WWP2: variants seen among roughly 807,000 people sequenced by gnomAD.
The protein encoded by WWP2 is WW domain containing E3 ubiquitin protein ligase 2.
Under a neutral mutation model 121.0 loss-of-function variants are expected in WWP2, and 57 were observed. The observed-to-expected ratio is 0.47, with a 90% confidence interval of 0.38 to 0.59. The LOEUF is 0.59. WWP2 is among the 20% of genes least tolerant of loss of function. The pLI, the probability that WWP2 is intolerant of heterozygous loss-of-function variation, is 0.00. For missense variants in WWP2, 962 were observed against 1,158.9 expected (o/e 0.83, Z 2.47); for synonymous variants, 449 against 441.3 (o/e 1.02, Z -0.22).
At chr16:69,812,054 A>G (rs2056402173) in intron 4 of WWP2, among the ~76,000 whole-genome samples, 1 of 151,386 alleles carries the variant, frequency 6.6e-6, no homozygotes, top group Non-Finnish European at 1.5e-5. Context: ...CTCATGCAAG[A>G]TGCAGTGTTT....
At chr16:69,875,672 C>T (rs2057722757) in intron 7 of WWP2, among the ~76,000 whole-genome samples, 1 of 152,232 alleles carries the variant, frequency 6.6e-6, no homozygotes, top group Admixed American at 6.5e-5. Context: ...GCTTTCTTTG[C>T]TCATCCATAA....
At chr16:69,836,196 T>G (rs1443149979) in intron 4 of WWP2, among the ~76,000 whole-genome samples, 1 of 152,200 alleles carries the variant, frequency 6.6e-6, no homozygotes, top group Admixed American at 6.5e-5. Flanking sequence ...TCTCCATTTA[T>G]CCCAAGAGTA....
chr16:69,908,922 G>A (rs117098275), intron 9 of WWP2, 72 bp downstream of exon 9: 404 of 1,608,786 alleles, frequency 2.5e-4, no homozygotes, highest in Non-Finnish European at 3.1e-4. Context: ...TTCTTGAAAC[G>A]GTCCCTTTCT....
intron 2 of WWP2, 93 bp from the exon 3 acceptor site, chr16:69,798,589 A>G (rs922512018): frequency 7.2e-6 from 10 of 1,398,076 alleles, no homozygotes; most frequent in Non-Finnish European, 9.6e-6. Context: ...TATTTTTTAA[A>G]GCAATAACTA....
At chr16:69,870,848 A>G (rs1447136818) in intron 6 of WWP2, among the ~76,000 whole-genome samples, 2 of 152,180 alleles carry the variant, frequency 1.3e-5, no homozygotes, top group Non-Finnish European at 2.9e-5. Context: ...TGCAAAAAGA[A>G]CTTGAGAGCA....
chr16:69,840,354 C>T, intron 5 of WWP2, 91 bp downstream of exon 5: 1 of 1,560,554 alleles, frequency 6.4e-7, no homozygotes, highest in African/African-American at 1.3e-5. Flanking sequence ...TCTTACTAGG[C>T]CATCTTGGTT....
chr16:69,866,401 G>A (rs898827426), intron 6 of WWP2, among the ~76,000 whole-genome samples: 2 of 151,812 alleles, frequency 1.3e-5, no homozygotes, highest in Admixed American at 6.6e-5. Flanking sequence ...GGGATTACAG[G>A]CATGAGCCAC....
intron 13 of WWP2, 139 bp downstream of exon 13, chr16:69,930,397 T>C: frequency 1.5e-6 from 2 of 1,358,982 alleles, no homozygotes; most frequent in Admixed American, 2.7e-5. Context: ...CCAATGTTGA[T>C]GTCATATTAA....
chr16:69,900,839 T>C (rs72785065), intron 8 of WWP2, among the ~76,000 whole-genome samples: 7,876 of 152,182 alleles, frequency 0.052, 270 homozygotes, highest in Middle Eastern at 0.11. Flanking sequence ...TGCCAACCTC[T>C]ATTGAGGAGC....
chr16:69,813,349 A>G (rs2056431201), intron 4 of WWP2, among the ~76,000 whole-genome samples: 2 of 152,098 alleles, frequency 1.3e-5, no homozygotes, highest in African/African-American at 2.4e-5. Context: ...TTTAGTGGAG[A>G]TGGGGTTTCT....
At chr16:69,796,303 A>G (rs2056043642) in intron 2 of WWP2, among the ~76,000 whole-genome samples, 2 of 152,328 alleles carry the variant, frequency 1.3e-5, no homozygotes, top group South Asian at 4.1e-4. Context: ...TGAAAAACCC[A>G]TCATAAGTTG....
intron 7 of WWP2, among the ~76,000 whole-genome samples, chr16:69,883,716 C>G (rs1597105823): frequency 6.6e-6 from 1 of 152,070 alleles, no homozygotes; most frequent in East Asian, 1.9e-4. Flanking sequence ...TTCTGATGCT[C>G]TCCCTCCCCG....
At chr16:69,824,767 C>CTTTTTT (rs34154307) in intron 4 of WWP2, among the ~76,000 whole-genome samples, 4 of 82,792 alleles carry the variant, frequency 4.8e-5, no homozygotes, top group Non-Finnish European at 8.7e-5. Context: ...GCACCTGTGG[C>CTTTTTT]TTTTTTTTTT....
At chr16:69,929,297 G>C (rs2058679391) in intron 11 of WWP2, 151 bp from the exon 12 acceptor site, 1 of 658,028 alleles carries the variant, frequency 1.5e-6, no homozygotes, top group Middle Eastern at 2.5e-4. Context: ...TGACAAGTGT[G>C]AGTGAGCTTG....
chr16:69,901,579 AT>A (rs1395461785), intron 8 of WWP2, among the ~76,000 whole-genome samples: 7 of 151,924 alleles, frequency 4.6e-5, no homozygotes, highest in Admixed American at 4.6e-4. Context: ...CGCCCAGCTA[AT>A]TTTTTTGTAT....
rs10578834 is a variant in WWP2, at chr16:69,795,259, TACACAC to T, written c.71-3393_71-3388del. On this transcript the variant is annotated intron_variant, in intron 2 of 23. Transcript: ENST00000359154. ...TTTTACCTAGGAAAAAAAATGCGGATACACACACACACACACACACACACACACACA... is the reference window on the plus strand; with the variant it reads ...TTTTACCTAGGAAAAAAAATGCGGATACACACACACACACACACACACACA... Among the ~76,000 whole-genome samples, 184 of 93,088 alleles carry T rather than the reference TACACAC, an allele frequency of 2.0e-3. 1 individual carries two copies. Among genetic ancestry groups the T allele is most frequent in the African/African-American group, 4.6e-3 (175 of 37,788 alleles). The allele number at this position is 93,088 out of a possible 152,430, so 61.1% of individuals were successfully genotyped here.
rs745540670 is a variant in WWP2, at chr16:69,840,266, G to A, written c.478+3G>A. On this transcript the variant is annotated splice_donor_region_variant and intron_variant, in intron 5 of 23. Coordinates refer to ENST00000359154, the MANE Select transcript of WWP2 (RefSeq NM_001270454.2). ...TAATGGCAGTGCCCTGACAGATGGT[G>A]AGTGCCGCCCTGCTCCTCAGGACTG... is the stretch of plus-strand genomic sequence containing the variant. The A allele has an allele frequency of 4.3e-5, 69 of 1,613,714 alleles. No individual in the cohort carries two copies. The highest frequency in any genetic ancestry group is 5.6e-5 in the Non-Finnish European group (66 of 1,179,918).
At position 69,923,381 on chromosome 16, in the gene WWP2, C is replaced by G. The variant is rs775819093; in HGVS notation, c.1180-2049C>G. ...GATACCAAGGAAATTTTTTAAAAACCCTTTAACGAAAGAGAGCCAACATTG... is the reference window on the plus strand; with the variant it reads ...GATACCAAGGAAATTTTTTAAAAACGCTTTAACGAAAGAGAGCCAACATTG... On this transcript the variant is annotated intron_variant, in intron 10 of 23. Coordinates refer to ENST00000359154, the MANE Select transcript of WWP2 (RefSeq NM_001270454.2). Among the ~76,000 whole-genome samples the G allele has an allele frequency of 6.6e-5, 10 of 151,016 alleles. No homozygotes were observed. In the East Asian group the frequency reaches 7.9e-4, roughly 12 times the overall value.
intron 4 of WWP2, among the ~76,000 whole-genome samples, chr16:69,815,716 G>A (rs1223992110): frequency 6.6e-6 from 1 of 151,352 alleles, no homozygotes; most frequent in Non-Finnish European, 1.5e-5. Context: ...GAACCTGAGA[G>A]GCGGAGGTTG....
Sources: gnomAD v4.1 joint callset for allele counts (sites outside exome capture counted in the v4.1 genomes callset) on GRCh38, gnomAD v4.1.1 for gene constraint, MANE v1.5 for transcripts, NCBI Gene and HGNC (gene_info 2026-07-23, HGNC 2026-07-21) for gene names.